The following LYPD6 variants were observed in gnomAD, a reference collection of about 807,000 sequenced individuals.
LYPD6 encodes LY6/PLAUR domain containing 6, also known as ly6/PLAUR domain-containing protein 6.
Under a neutral mutation model 22.7 loss-of-function variants are expected in LYPD6, and 15 were observed. The observed-to-expected ratio is 0.66, with a 90% confidence interval of 0.44 to 1.02. The LOEUF (loss-of-function observed/expected upper bound fraction) is 1.02. Among genes scored for constraint, LYPD6 ranks in the 50% least tolerant of loss-of-function variants. The probability of loss-of-function intolerance (pLI) is 0.00; values close to 1 mark genes in which losing one functional copy is unlikely to be tolerated. For missense variants in LYPD6, 189 were observed against 208.4 expected (o/e 0.91, Z 0.57); for synonymous variants, 72 against 77.5 (o/e 0.93, Z 0.37).
chr2:149,480,869 A>G, the LYPD6 span, among the ~76,000 whole-genome samples: 1 of 152,184 alleles, frequency 6.6e-6, no homozygotes, highest in Admixed American at 6.5e-5. Flanking sequence ...AAGAATATAA[A>G]GGCCCAGCCC....
rs185508897 is a variant in LYPD6, at chr2:149,367,157, G to T, written c.-72+36435G>T. Among the ~76,000 whole-genome samples the T allele has an allele frequency of 2.9e-3, 445 of 152,128 alleles. 2 individuals carry two copies. Among genetic ancestry groups the T allele is most frequent in the Middle Eastern group, 0.01 (3 of 294 alleles). On this transcript the variant is annotated intron_variant, in intron 1 of 4. Coordinates refer to ENST00000334166, the MANE Select transcript of LYPD6 (RefSeq NM_194317.5). ...ACAAACATTTATTATCTCAAATTTT[G>T]TATGGCTTAGGTGGGTCCTGTGCTT...
At position 149,402,233 on chromosome 2, in the gene LYPD6, C is replaced by CGTGTGT. The variant is rs146124855; in HGVS notation, c.-71-35384_-71-35379dup. ...AATAGTATTCCATGGTGTGTGTTTG[C>CGTGTGT]GTGTGTGTGTGTGTGTGTGTGTGTG... On this transcript the variant is annotated intron_variant, in intron 1 of 4. Transcript: ENST00000334166. Among the ~76,000 whole-genome samples, 1,237 of 145,624 alleles carry CGTGTGT rather than the reference C, an allele frequency of 8.5e-3. 8 individuals are homozygous for CGTGTGT. Among genetic ancestry groups the CGTGTGT allele is most frequent in the African/African-American group, 0.029 (1,161 of 40,024 alleles).
In LYPD6 at chr2:149,385,829, AGAGGCAGAGAAGAAGT is replaced by A. The variant is rs1032091739; in HGVS notation, c.-71-51797_-71-51782del. Among the ~76,000 whole-genome samples, 47 of 152,246 alleles carry A rather than the reference AGAGGCAGAGAAGAAGT, an allele frequency of 3.1e-4. No homozygotes were observed. In the South Asian group the frequency reaches 7.9e-3, roughly 26 times the overall value. Reference sequence around the variant, plus strand: ...GAGAACAAGAGGGGCAGAGAAGGAGAGAGGCAGAGAAGAAGTGAGGCAGAGAACAGAAATTACCTGC... The same window carrying A: ...GAGAACAAGAGGGGCAGAGAAGGAGAGAGGCAGAGAACAGAAATTACCTGC... On this transcript the variant is annotated intron_variant, in intron 1 of 4. Coordinates refer to ENST00000334166, the MANE Select transcript of LYPD6 (RefSeq NM_194317.5).
intron 1 of LYPD6, among the ~76,000 whole-genome samples, chr2:149,396,792 C>T (rs756997885): frequency 6.6e-6 from 1 of 152,210 alleles, no homozygotes; most frequent in Non-Finnish European, 1.5e-5. Flanking sequence ...AGAGACCTTA[C>T]AGGAACTTTA....
At chr2:149,354,868 G>A (rs541526768) in intron 1 of LYPD6, among the ~76,000 whole-genome samples, 4 of 152,264 alleles carry the variant, frequency 2.6e-5, no homozygotes, top group African/African-American at 9.6e-5. Flanking sequence ...GCCAAAAATT[G>A]TGCCTCCTGT....
chr2:149,477,302 T>G (rs6757805), downstream of LYPD6, among the ~76,000 whole-genome samples: 3,130 of 152,170 alleles, frequency 0.021, 52 homozygotes, highest in African/African-American at 0.039. Flanking sequence ...TGAATGCCCT[T>G]TCTTTAAAGT....
At chr2:149,365,495 A>G (rs1184930634) in intron 1 of LYPD6, among the ~76,000 whole-genome samples, 1 of 152,008 alleles carries the variant, frequency 6.6e-6, no homozygotes, top group Non-Finnish European at 1.5e-5. Flanking sequence ...TAATGCACAA[A>G]TGGATCTGGT....
chr2:149,399,056 T>G (rs1031436773), intron 1 of LYPD6, among the ~76,000 whole-genome samples: 1 of 152,038 alleles, frequency 6.6e-6, no homozygotes, highest in Admixed American at 6.6e-5. Context: ...ATCATGTATA[T>G]ATGCAGTTAT....
intron 1 of LYPD6, among the ~76,000 whole-genome samples, chr2:149,406,959 C>G (rs1275897881): frequency 2.0e-4 from 31 of 152,002 alleles, no homozygotes; most frequent in Admixed American, 7.9e-4. Context: ...ATTTGCTTGT[C>G]TGTAAAGTAT....
chr2:149,462,391 A>G (rs944027925), intron 3 of LYPD6, among the ~76,000 whole-genome samples: 7 of 151,966 alleles, frequency 4.6e-5, no homozygotes, highest in Non-Finnish European at 7.4e-5. Context: ...GTAAGCTGAA[A>G]ATTATGAAAC....
downstream of LYPD6, among the ~76,000 whole-genome samples, chr2:149,478,162 A>T (rs1681471263): frequency 6.6e-6 from 1 of 152,156 alleles, no homozygotes; most frequent in African/African-American, 2.4e-5. Flanking sequence ...AGCTGGGCTC[A>T]TAACCACCTT....
intron 2 of LYPD6, among the ~76,000 whole-genome samples, chr2:149,446,535 C>T (rs115708264): frequency 0.013 from 1,937 of 152,234 alleles, 50 homozygotes; most frequent in African/African-American, 0.045. Context: ...TTATAGTTTA[C>T]AAAATACTTC....
intron 1 of LYPD6, among the ~76,000 whole-genome samples, chr2:149,432,672 T>A (rs1683342616): frequency 6.6e-6 from 1 of 152,354 alleles, no homozygotes; most frequent in South Asian, 2.1e-4. Flanking sequence ...TAGTACCCTA[T>A]GAGCACGTTG....
chr2:149,339,679 C>T (rs1405164751), intron 1 of LYPD6, among the ~76,000 whole-genome samples: 1 of 152,136 alleles, frequency 6.6e-6, no homozygotes, highest in East Asian at 1.9e-4. Context: ...CTGTTGATAT[C>T]TGAAAACAAG....
At chr2:149,478,374 A>G (rs932950488), downstream of LYPD6, among the ~76,000 whole-genome samples, 3 of 81,816 alleles carry the variant, frequency 3.7e-5, no homozygotes, top group Non-Finnish European at 2.3e-5. Flanking sequence ...TTTGGTATAT[A>G]GAGGTGTGTG....
At chr2:149,339,744 C>T (rs955584283) in intron 1 of LYPD6, among the ~76,000 whole-genome samples, 1 of 152,118 alleles carries the variant, frequency 6.6e-6, no homozygotes, top group African/African-American at 2.4e-5. Flanking sequence ...TACCTCCTGT[C>T]CTGCATTCCC....
chr2:149,399,911 G>A (rs1226150070), intron 1 of LYPD6, among the ~76,000 whole-genome samples: 2 of 152,112 alleles, frequency 1.3e-5, no homozygotes, highest in Admixed American at 1.3e-4. Context: ...GTCCTTTGTT[G>A]TTGCTTTATT....
intron 1 of LYPD6, among the ~76,000 whole-genome samples, chr2:149,435,149 C>G (rs1021264314): frequency 6.6e-6 from 1 of 152,170 alleles, no homozygotes; most frequent in Non-Finnish European, 1.5e-5. Flanking sequence ...AAGCCATCAG[C>G]AAGCCAAGAA....
intron 1 of LYPD6, among the ~76,000 whole-genome samples, chr2:149,356,639 GC>G (rs1428144084): frequency 6.6e-6 from 1 of 152,160 alleles, no homozygotes; most frequent in African/African-American, 2.4e-5. Flanking sequence ...TTTCCCCTGA[GC>G]CCAGTACCCC....
Sources: gnomAD v4.1 joint callset for allele counts (sites outside exome capture counted in the v4.1 genomes callset) on GRCh38, gnomAD v4.1.1 for gene constraint, MANE v1.5 for transcripts, NCBI Gene and HGNC (gene_info 2026-07-23, HGNC 2026-07-21) for gene names.